The following ZBED6 variants were observed in gnomAD, a reference collection of about 807,000 sequenced individuals.
The protein encoded by ZBED6 is zinc finger BED-type containing 6, also known as zinc finger BED domain-containing protein 6.
A neutral mutation model predicts 58.4 loss-of-function variants in ZBED6; 40 were observed. That is an observed-to-expected ratio of 0.68 (90% confidence interval 0.53 to 0.89). The LOEUF is 0.89. Among genes scored for constraint, ZBED6 ranks in the 40% least tolerant of loss-of-function variants. The pLI, the probability that ZBED6 is intolerant of heterozygous loss-of-function variation, is 0.00. For synonymous variants in ZBED6, 439 were observed against 350.6 expected (o/e 1.25, Z -2.82); for missense variants, 1,057 against 1,003.9 (o/e 1.05, Z -0.71).
chr1:203,829,851 T>C (rs757689746), exon 6 of ZBED6: 1 of 1,614,016 alleles, frequency 6.2e-7, no homozygotes. Context: ...TCACAATGGA[T>C]TACGAGTGAC....
Position 203,840,290 on chromosome 1 carries a change from A to G in ZBED6, c.*3673-16A>G, listed in dbSNP as rs766507713. ...TCTGTTCAACTTTTGATTTTTGAAAATCTTTCTTTTCACAGCTCAAGTTTC... is the reference window on the plus strand; with the variant it reads ...TCTGTTCAACTTTTGATTTTTGAAAGTCTTTCTTTTCACAGCTCAAGTTTC... On this transcript the variant is annotated splice_polypyrimidine_tract_variant and intron_variant, in intron 10 of 16. Transcript: ENST00000550078. 4.3e-6 allele frequency: 7 copies of G among 1,611,194 alleles called. No homozygotes were observed. Among genetic ancestry groups the G allele is most frequent in the South Asian group, 1.1e-5 (1 of 90,744 alleles).
At position 203,849,967 on chromosome 1, in the gene ZBED6, T is replaced by G. The variant is rs375770187; in HGVS notation, c.*4579T>G. On this transcript the variant is annotated 3_prime_UTR_variant, in exon 14 of 17. Coordinates refer to ENST00000550078, the Ensembl canonical transcript of ZBED6. ...AAGGTGGAGGTAGAAACCTCAGGGA[T>G]TGGAGACTCATTATTGAATGTGAAA... 7.5e-5 allele frequency: 121 copies of G among 1,613,990 alleles called. 5 individuals are homozygous for G. In the South Asian group the frequency reaches 1.3e-3, roughly 17 times the overall value.
intron 3 of ZBED6, among the ~76,000 whole-genome samples, chr1:203,826,931 T>C (rs984538930): frequency 1.1e-4 from 16 of 152,164 alleles, no homozygotes; most frequent in African/African-American, 3.9e-4. Context: ...AAATAGAGTA[T>C]TAGCAGTAAT....
At chr1:203,800,342 A>G (rs1004340202) in exon 1 of ZBED6, 1 of 893,878 alleles carries the variant, frequency 1.1e-6, no homozygotes, top group Non-Finnish European at 1.8e-6. Flanking sequence ...ATATAGAACA[A>G]CTGATGTTTC....
exon 1 of ZBED6, chr1:203,798,139 C>G (rs1269464645): frequency 1.3e-6 from 2 of 1,536,150 alleles, no homozygotes; most frequent in Non-Finnish European, 8.7e-7. Context: ...GTGTCTTTAT[C>G]TCCCTCTTCT....
At chr1:203,833,745 AG>A in intron 8 of ZBED6, 45 bp from the exon 9 acceptor site, 1 of 1,568,576 alleles carries the variant, frequency 6.4e-7, no homozygotes, top group East Asian at 2.3e-5. Flanking sequence ...TACTGAATAC[AG>A]AAAAATTGAC....
At chr1:203,850,754 G>GCA in intron 15 of ZBED6, 73 bp downstream of exon 15, 1 of 1,547,274 alleles carries the variant, frequency 6.5e-7, no homozygotes, top group Non-Finnish European at 8.8e-7. Flanking sequence ...CTCTCCACTA[G>GCA]CATTCTATCT....
exon 1 of ZBED6, chr1:203,800,312 C>T: frequency 1.1e-6 from 1 of 894,606 alleles, no homozygotes; most frequent in Non-Finnish European, 1.8e-6. Context: ...CAAAACAGAT[C>T]ATGAGCCTGG....
rs34277550 is a variant in ZBED6, at chr1:203,833,364, CAA to C, written c.*3511-408_*3511-407del. 2.3e-3 allele frequency among the ~76,000 whole-genome samples: 167 copies of C among 71,130 alleles called. 1 individual carries two copies. The highest frequency in any genetic ancestry group is 4.2e-3 in the South Asian group (8 of 1,900). The allele number at this position is 71,130 out of a possible 152,430, so 46.7% of individuals were successfully genotyped here. A position where few individuals can be genotyped will look rare whatever the true frequency, so the allele number is the denominator to read the frequency against. ...TGGGCGACAGAGTGAGACTCTGTCT[CAA>C]AAAAAAAAAAAAAAAAAACACCAGG... is the stretch of plus-strand genomic sequence containing the variant. On this transcript the variant is annotated intron_variant, in intron 8 of 16. Coordinates refer to ENST00000550078, the Ensembl canonical transcript of ZBED6.
chr1:203,835,589 TGTG>T (rs1684057203), intron 9 of ZBED6: 1 of 177,302 alleles, frequency 5.6e-6, no homozygotes, highest in South Asian at 1.7e-4. Context: ...CTTAAACCCT[TGTG>T]GTGTACAGCG....
Position 203,849,911 on chromosome 1 carries a change from G to A in ZBED6, c.*4523G>A, listed in dbSNP as rs1688853748. 6 of 1,613,994 alleles carry A rather than the reference G, an allele frequency of 3.7e-6. No homozygotes were observed. In the East Asian group the frequency reaches 1.3e-4, roughly 36 times the overall value. On this transcript the variant is annotated 3_prime_UTR_variant, in exon 14 of 17. Coordinates refer to ENST00000550078, the Ensembl canonical transcript of ZBED6. Reference sequence around the variant, plus strand: ...CTGTGCCAGGAATCACACGGCACCTGACCAAGCGGCTTCCCACAAAGTCAT... The same window carrying A: ...CTGTGCCAGGAATCACACGGCACCTAACCAAGCGGCTTCCCACAAAGTCAT...
chr1:203,818,978 A>C (rs1331468824), intron 3 of ZBED6, among the ~76,000 whole-genome samples: 1 of 151,370 alleles, frequency 6.6e-6, no homozygotes, highest in African/African-American at 2.4e-5. Context: ...CTGAGGCAGG[A>C]AAATCGCTCG....
chr1:203,813,563 T>C (rs967294022), intron 1 of ZBED6, among the ~76,000 whole-genome samples: 7 of 152,230 alleles, frequency 4.6e-5, no homozygotes, highest in Non-Finnish European at 8.8e-5. Flanking sequence ...GTCATTTGAC[T>C]ATGCTTGTTA....
At chr1:203,805,168 A>C (rs1284245191) in intron 1 of ZBED6, among the ~76,000 whole-genome samples, 1 of 145,506 alleles carries the variant, frequency 6.9e-6, no homozygotes, top group Non-Finnish European at 1.5e-5. Context: ...TTTGAGACAG[A>C]GTCTTGCTCT....
In ZBED6 at chr1:203,799,121, CTGTT is replaced by C; in HGVS notation, c.1602_1605del (p.Cys534Ter). The C allele has an allele frequency of 2.6e-6, 4 of 1,527,224 alleles. No individual in the cohort carries two copies. The highest frequency in any genetic ancestry group is 3.5e-6 in the Non-Finnish European group (4 of 1,138,784). The allele number at this position is 1,527,224 out of a possible 1,614,324, so 94.6% of individuals were successfully genotyped here. A position where few individuals can be genotyped will look rare whatever the true frequency, so the allele number is the denominator to read the frequency against. ...TTTGTGTTACAGGTTTGGCTAAAGA[CTGTT>C]TGATAACCAATATTTTACAAGAATT... On this transcript the variant is annotated frameshift_variant, in exon 1 of 17. Coordinates refer to ENST00000550078, the Ensembl canonical transcript of ZBED6. LOFTEE classifies it high-confidence loss of function.
intron 9 of ZBED6, among the ~76,000 whole-genome samples, chr1:203,836,558 A>T (rs568474490): frequency 6.6e-6 from 1 of 152,166 alleles, no homozygotes; most frequent in Non-Finnish European, 1.5e-5. Flanking sequence ...GACCGGCCTG[A>T]TCAACATGGT....
At chr1:203,800,836 A>G (rs548231458) in exon 1 of ZBED6, 1 of 158,406 alleles carries the variant, frequency 6.3e-6, no homozygotes, top group East Asian at 1.8e-4. Flanking sequence ...CAACGAAATG[A>G]GAAAAAAGTA....
At chr1:203,800,006 A>G (rs748388305) in exon 1 of ZBED6, 64 of 1,535,996 alleles carry the variant, frequency 4.2e-5, no homozygotes, top group Non-Finnish European at 5.3e-5. Context: ...GAGCTGATTC[A>G]TTTACCTCAT....
chr1:203,829,433 C>A lies in ZBED6; in HGVS notation c.*2998-18C>A. On this transcript the variant is annotated intron_variant, in intron 4 of 16. Coordinates refer to ENST00000550078, the Ensembl canonical transcript of ZBED6. ...TGTATCTTCTGTTTTTAATTTATGACTGATTTTGTGCGTTTAGCTGTGTTG... is the reference window on the plus strand; with the variant it reads ...TGTATCTTCTGTTTTTAATTTATGAATGATTTTGTGCGTTTAGCTGTGTTG... 1 of 1,613,502 alleles carries A rather than the reference C, an allele frequency of 6.2e-7. No homozygotes were observed. Among genetic ancestry groups the A allele is most frequent in the Non-Finnish European group, 8.5e-7 (1 of 1,179,574 alleles).
Sources: allele counts gnomAD v4.1 joint callset (sites outside exome capture counted in the v4.1 genomes callset), GRCh38; gene constraint gnomAD v4.1.1; transcripts MANE v1.5; gene names NCBI Gene and HGNC (gene_info 2026-07-23, HGNC 2026-07-21).